SMARCAD1: variants seen among roughly 807,000 people sequenced by gnomAD.
The protein encoded by SMARCAD1 is SWI/SNF-related matrix-associated actin-dependent regulator of chromatin subfamily A containing DEAD/H box 1.
A neutral mutation model predicts 127.1 loss-of-function variants in SMARCAD1; 25 were observed. That is an observed-to-expected ratio of 0.20 (90% CI 0.14 to 0.27). SMARCAD1 has a LOEUF of 0.27. Among genes scored for constraint, SMARCAD1 ranks in the 10% least tolerant of loss-of-function variants. SMARCAD1 has a pLI of 1.00. For synonymous variants in SMARCAD1, 400 were observed against 396.9 expected, an observed-to-expected ratio of 1.01 and a Z score of -0.09; for missense variants, 807 against 1,206.0, an observed-to-expected ratio of 0.67 and a Z score of 4.90.
chr4:94,287,940 C>G (rs967295421), intron 23 of SMARCAD1, among the ~76,000 whole-genome samples: 3 of 151,834 alleles, frequency 2.0e-5, no homozygotes, highest in Non-Finnish European at 2.9e-5. Context: ...CGTTTGAGCC[C>G]AGGAGTTCAA....
Position 94,234,019 on chromosome 4 carries a change from T to C in SMARCAD1, c.434T>C (p.Ile145Thr), listed in dbSNP as rs369651132. ...LPTMARRNDD[I>T]SELEDLSELE... ...ACCATGGCACGTAGAAATGATGATA[T>C]TTCAGAACTGGAAGACCTTTCGGAA... Residue 145 changes from isoleucine (I) to threonine (T), a missense_variant, in exon 4 of 24, where the codon ATT (isoleucine) becomes ACT (threonine). Physicochemically the swap from Ile to Thr is moderately conservative, Grantham distance 89. Coordinates refer to ENST00000354268, the MANE Select transcript of SMARCAD1 (RefSeq NM_020159.5). 2 of 1,613,698 alleles carry C rather than the reference T, an allele frequency of 1.2e-6. No individual in the cohort carries two copies. Among genetic ancestry groups the C allele is most frequent in the African/African-American group, 2.7e-5 (2 of 74,902 alleles).
intron 9 of SMARCAD1, among the ~76,000 whole-genome samples, chr4:94,257,115 T>C (rs1750221620): frequency 6.6e-6 from 1 of 152,216 alleles, no homozygotes; most frequent in Non-Finnish European, 1.5e-5. Context: ...GAGTTTTTAA[T>C]GAAGAGATAT....
At position 94,280,744 on chromosome 4, in the gene SMARCAD1, A is replaced by C. The variant is rs1410680514; in HGVS notation, c.2571A>C (p.Arg857=). The C allele has an allele frequency of 6.8e-6, 11 of 1,613,608 alleles. No individual in the cohort carries two copies. The highest frequency in any genetic ancestry group is 1.6e-4 in the Middle Eastern group (1 of 6,074). Reference sequence around the variant, plus strand: ...TGATTTTAGATTCTGGAAAATTTCGAGTTTTAGGATGCATCTTGTCTGAAT... The same window carrying C: ...TGATTTTAGATTCTGGAAAATTTCGCGTTTTAGGATGCATCTTGTCTGAAT... ...MDLILDSGKF[R]VLGCILSELK... Residue 857 remains arginine (R), a synonymous_variant, in exon 20 of 24, where the codon CGA becomes CGC. Coordinates refer to ENST00000354268, the MANE Select transcript of SMARCAD1 (RefSeq NM_020159.5).
intron 6 of SMARCAD1, 148 bp from the exon 7 acceptor site, chr4:94,249,506 A>T (rs148502198): frequency 3.2e-6 from 2 of 619,260 alleles, no homozygotes; most frequent in Non-Finnish European, 2.9e-6. Flanking sequence ...AAATATGTCA[A>T]TGTTCACAGA....
intron 14 of SMARCAD1, among the ~76,000 whole-genome samples, chr4:94,275,797 T>TTTTATTTTATTTTATTTTATTTTA (rs771113021): frequency 4.8e-5 from 5 of 103,368 alleles, no homozygotes; most frequent in Non-Finnish European, 7.8e-5. Context: ...TAACATTTTC[T>TTTTATTTTATTTTATTTTATTTTA]TTTTTTTTTT....
intron 3 of SMARCAD1, 78 bp downstream of exon 3, chr4:94,226,374 T>C (rs1744991410): frequency 8.1e-7 from 1 of 1,232,332 alleles, no homozygotes; most frequent in African/African-American, 1.6e-5. Flanking sequence ...ATTTGAGATA[T>C]TTTGGTGACT....
intron 18 of SMARCAD1, 59 bp from the exon 19 acceptor site, chr4:94,278,870 T>A (rs1753645270): frequency 6.2e-7 from 1 of 1,607,620 alleles, no homozygotes; most frequent in Non-Finnish European, 8.5e-7. Context: ...ACTTAGTTGA[T>A]ATATTTCAAC....
rs766210807 is a variant in SMARCAD1 at position 94,285,081 on chromosome 4, G to A, written c.3019+12G>A. 1.3e-6 allele frequency: 2 copies of A among 1,537,276 alleles called. No individual in the cohort carries two copies. The highest frequency in any genetic ancestry group is 2.3e-5 in the East Asian group (1 of 43,618). ...TACAGTAGATGAAGGTGAGTTGTTT[G>A]TAAGCAGAAACTTCAATATTTATCT... is the stretch of plus-strand genomic sequence containing the variant. On this transcript the variant is annotated intron_variant, in intron 23 of 23. Coordinates refer to ENST00000354268, the MANE Select transcript of SMARCAD1 (RefSeq NM_020159.5).
At chr4:94,256,572 AGGCTG>A (rs929283959) in intron 9 of SMARCAD1, among the ~76,000 whole-genome samples, 3 of 152,124 alleles carry the variant, frequency 2.0e-5, no homozygotes, top group African/African-American at 7.2e-5. Flanking sequence ...CATGTTGGCC[AGGCTG>A]GGCTGGAACT....
At chr4:94,222,045 C>G (rs1344456438) in intron 2 of SMARCAD1, among the ~76,000 whole-genome samples, 3 of 152,106 alleles carry the variant, frequency 2.0e-5, no homozygotes, top group African/African-American at 7.2e-5. Context: ...CAGGTCTGTG[C>G]AACCCTCAAT....
intron 22 of SMARCAD1, among the ~76,000 whole-genome samples, chr4:94,283,768 T>C (rs2126007453): frequency 6.7e-6 from 1 of 149,366 alleles, no homozygotes; most frequent in East Asian, 2.0e-4. Flanking sequence ...GAGCTTGCAG[T>C]GAGCCGAGAT....
chr4:94,269,008 A>G (rs1027846288), intron 10 of SMARCAD1, among the ~76,000 whole-genome samples: 2 of 152,192 alleles, frequency 1.3e-5, no homozygotes, highest in African/African-American at 2.4e-5. Flanking sequence ...AAAATTCAGC[A>G]AAAGAATTGT....
chr4:94,280,182 A>T (rs923663358), intron 19 of SMARCAD1, among the ~76,000 whole-genome samples: 14 of 151,734 alleles, frequency 9.2e-5, no homozygotes, highest in Non-Finnish European at 1.5e-4. Context: ...TTCTTTTTAA[A>T]TTTTTTTTTA....
In SMARCAD1 at chr4:94,226,107, A is replaced by C. The variant is rs201013072; in HGVS notation, c.191-12A>C. 1 of 1,602,610 alleles carries C rather than the reference A, an allele frequency of 6.2e-7. No individual in the cohort carries two copies. The highest frequency in any genetic ancestry group is 1.3e-5 in the African/African-American group (1 of 74,730). On this transcript the variant is annotated splice_polypyrimidine_tract_variant and intron_variant, in intron 2 of 23. Coordinates refer to ENST00000354268, the MANE Select transcript of SMARCAD1 (RefSeq NM_020159.5). The stretch of plus-strand genomic sequence containing the variant: ...TGCTCAAAATATTTTTCTCCTTTTT[A>C]TTCTCTTGCAGAAGATTCTAGTGTT...
At chr4:94,211,345 G>T (rs1742224422) in intron 2 of SMARCAD1, among the ~76,000 whole-genome samples, 1 of 152,150 alleles carries the variant, frequency 6.6e-6, no homozygotes, top group South Asian at 2.1e-4. Context: ...GGGGTCTAGG[G>T]ATTGCTGAGG....
At chr4:94,209,398 T>G (rs746451597) in intron 2 of SMARCAD1, among the ~76,000 whole-genome samples, 2 of 152,200 alleles carry the variant, frequency 1.3e-5, no homozygotes, top group Non-Finnish European at 2.9e-5. Flanking sequence ...CCTGGCAGTA[T>G]GATTCCTGAG....
rs768297758 is a variant in SMARCAD1 at position 94,290,683 on chromosome 4, ATCTT to A, written c.*1155_*1158del. Reference sequence around the variant, plus strand: ...TATTTGATATTTAACTCTTTATTAAATCTTTCTTTAAATTTCTGCCTGTCAGTCT... The same window carrying A: ...TATTTGATATTTAACTCTTTATTAAATCTTTAAATTTCTGCCTGTCAGTCT... On this transcript the variant is annotated 3_prime_UTR_variant, in exon 24 of 24. Coordinates refer to ENST00000354268, the MANE Select transcript of SMARCAD1 (RefSeq NM_020159.5). 9 of 445,016 alleles carry A rather than the reference ATCTT, an allele frequency of 2.0e-5. No individual in the cohort carries two copies. The highest frequency in any genetic ancestry group is 1.3e-4 in the South Asian group (8 of 61,690). The allele number at this position is 445,016 out of a possible 1,614,324, so 27.6% of individuals were successfully genotyped here. A position where few individuals can be genotyped will look rare whatever the true frequency, so the allele number is the denominator to read the frequency against.
chr4:94,252,673 G>A lies in SMARCAD1; in HGVS notation c.947G>A (p.Ser316Asn), dbSNP rs1649251038. The A allele has an allele frequency of 6.3e-7, 1 of 1,580,368 alleles. No individual in the cohort carries two copies. The highest frequency in any genetic ancestry group is 1.9e-5 in the Admixed American group (1 of 53,226). The change falls in exon 9 of 24, where the codon AGT becomes AAT. Residue 316 changes from serine to asparagine, a missense_variant. This residue lies in a region of SMARCAD1 where 257 missense variants were observed against 303.4 expected (regional missense o/e 0.85). Coordinates refer to ENST00000354268, the MANE Select transcript of SMARCAD1 (RefSeq NM_020159.5). ...VPNGKEVSSR[S>N]QNYPKNATKT... The stretch of plus-strand genomic sequence containing the variant: ...AATGGAAAAGAAGTTTCTTCAAGAA[G>A]TCAAAATTACCCTAAAAATGCAACT...
intron 2 of SMARCAD1, chr4:94,212,887 C>G (rs1047885244): frequency 2.5e-6 from 1 of 398,712 alleles, no homozygotes; most frequent in African/African-American, 2.1e-5. Context: ...CCTAATGCCC[C>G]TCTAAATCCC....
Sources: allele counts gnomAD v4.1 joint callset (sites outside exome capture counted in the v4.1 genomes callset), GRCh38; gene constraint gnomAD v4.1.1; regional missense constraint gnomAD v4.1.1; transcripts MANE v1.5; gene names NCBI Gene and HGNC (gene_info 2026-07-23, HGNC 2026-07-21).